ATRNL1: variants seen among roughly 807,000 people sequenced by gnomAD.
ATRNL1 encodes the protein attractin-like protein 1.
In ATRNL1, 95 loss-of-function variants were observed where a neutral mutation model predicts 182.7. That is an observed-to-expected ratio of 0.52 (90% CI 0.44 to 0.62). The LOEUF is 0.62. Among genes scored for constraint, ATRNL1 ranks in the 20% least tolerant of loss-of-function variants. ATRNL1 has a pLI of 0.00. For synonymous variants in ATRNL1, 576 were observed against 568.3 expected (o/e 1.01, Z -0.19); for missense variants, 1,471 against 1,679.5 (o/e 0.88, Z 2.17).
chr10:115,244,204 T>C (rs754994358), intron 10 of ATRNL1, among the ~76,000 whole-genome samples: 7 of 152,122 alleles, frequency 4.6e-5, no homozygotes, highest in African/African-American at 7.2e-5. Context: ...CTGATTGTTT[T>C]GTGTTATATG....
chr10:115,333,035 G>A (rs1855306252), intron 18 of ATRNL1, among the ~76,000 whole-genome samples: 1 of 152,168 alleles, frequency 6.6e-6, no homozygotes, highest in African/African-American at 2.4e-5. Context: ...TGTTTACAGT[G>A]TTTAAAAATT....
chr10:115,690,553 G>A (rs1242567102), intron 26 of ATRNL1, among the ~76,000 whole-genome samples: 9 of 152,152 alleles, frequency 5.9e-5, no homozygotes, highest in African/African-American at 2.2e-4. Context: ...TGGCCCAGAG[G>A]TTGGAGACCC....
chr10:115,767,398 C>G (rs1386422125), intron 27 of ATRNL1, among the ~76,000 whole-genome samples: 1 of 152,136 alleles, frequency 6.6e-6, no homozygotes, highest in Non-Finnish European at 1.5e-5. Flanking sequence ...TTGCAGTCAT[C>G]TCTTGTGCTT....
intron 28 of ATRNL1, among the ~76,000 whole-genome samples, chr10:115,859,101 T>C (rs2907567): frequency 0.8 from 121,645 of 151,740 alleles, 48,729 homozygotes; most frequent in Admixed American, 0.84. Flanking sequence ...AATCTCATCC[T>C]GAAGCTCCAC....
chr10:115,815,144 A>G (rs186220260), intron 27 of ATRNL1, among the ~76,000 whole-genome samples: 7 of 152,288 alleles, frequency 4.6e-5, no homozygotes, highest in African/African-American at 1.4e-4. Context: ...TATGAAATGC[A>G]TAGTTTATTT....
chr10:115,360,642 C>A (rs1274988647), intron 19 of ATRNL1, among the ~76,000 whole-genome samples: 2 of 150,016 alleles, frequency 1.3e-5, no homozygotes, highest in African/African-American at 2.4e-5. Context: ...ATTTTTGAGG[C>A]CTTCTTAGTC....
At chr10:115,101,161 G>A (rs984910331) in intron 1 of ATRNL1, among the ~76,000 whole-genome samples, 1 of 152,084 alleles carries the variant, frequency 6.6e-6, no homozygotes, top group East Asian at 1.9e-4. Context: ...ATTGTTTACA[G>A]ACAAAGATAT....
At chr10:115,778,445 G>A (rs1168854561) in intron 27 of ATRNL1, among the ~76,000 whole-genome samples, 1 of 152,196 alleles carries the variant, frequency 6.6e-6, no homozygotes, top group Non-Finnish European at 1.5e-5. Flanking sequence ...AGGAGGATAA[G>A]TATTTATGCA....
chr10:115,329,655 G>T (rs941203357), intron 18 of ATRNL1, among the ~76,000 whole-genome samples: 1 of 151,978 alleles, frequency 6.6e-6, no homozygotes, highest in Non-Finnish European at 1.5e-5. Flanking sequence ...TCTTTTTATA[G>T]TTTTTGACTT....
intron 27 of ATRNL1, among the ~76,000 whole-genome samples, chr10:115,730,249 T>G (rs1435668728): frequency 2.8e-5 from 2 of 72,352 alleles, no homozygotes; most frequent in African/African-American, 1.3e-4. Context: ...AGAGTAGGAC[T>G]CCTCAAAAAA....
rs782128957 is a variant in ATRNL1 at position 115,170,998 on chromosome 10, CATT to C, written c.1093-35_1093-33del. ...TTAATTAATATGTGTTAAGATATAA[CATT>C]ATTTTATCTATTAATATATGTATTT... On this transcript the variant is annotated intron_variant, in intron 7 of 28. Coordinates refer to ENST00000355044, the MANE Select transcript of ATRNL1 (RefSeq NM_207303.4). 3.8e-5 allele frequency: 45 copies of C among 1,198,162 alleles called. 1 individual carries two copies. The highest frequency in any genetic ancestry group is 4.4e-5 in the Non-Finnish European group (39 of 888,624). 74.2% of individuals were successfully genotyped at this position (1,198,162 alleles called of 1,614,324 possible).
intron 26 of ATRNL1, among the ~76,000 whole-genome samples, chr10:115,634,188 AT>A (rs1349386036): frequency 6.6e-6 from 1 of 152,158 alleles, no homozygotes; most frequent in African/African-American, 2.4e-5. Context: ...ACTTTTTGAT[AT>A]ATACAATCTA....
At chr10:115,471,334 T>C (rs567135562) in intron 24 of ATRNL1, among the ~76,000 whole-genome samples, 2 of 151,118 alleles carry the variant, frequency 1.3e-5, no homozygotes, top group South Asian at 4.1e-4. Flanking sequence ...TCTGAGATAC[T>C]GATTTCACTT....
At chr10:115,412,350 C>G (rs1376104614) in intron 20 of ATRNL1, among the ~76,000 whole-genome samples, 1 of 152,164 alleles carries the variant, frequency 6.6e-6, no homozygotes, top group East Asian at 1.9e-4. Flanking sequence ...CCAGTCCCAG[C>G]TGACACCTGA....
intron 27 of ATRNL1, among the ~76,000 whole-genome samples, chr10:115,813,607 A>G (rs1212918667): frequency 6.6e-6 from 1 of 152,210 alleles, no homozygotes; most frequent in Admixed American, 6.5e-5. Flanking sequence ...TTAGATTATC[A>G]CTAACATTTA....
At chr10:115,786,131 A>G (rs1395936179) in intron 27 of ATRNL1, among the ~76,000 whole-genome samples, 3 of 152,092 alleles carry the variant, frequency 2.0e-5, no homozygotes, top group Non-Finnish European at 4.4e-5. Context: ...TAACATTTAT[A>G]TTTCTACTAA....
intron 27 of ATRNL1, among the ~76,000 whole-genome samples, chr10:115,836,896 C>T (rs1950687014): frequency 6.6e-6 from 1 of 152,064 alleles, no homozygotes; most frequent in Admixed American, 6.6e-5. Flanking sequence ...TAAAAGAAAA[C>T]ACAGTGACCC....
chr10:115,914,493 C>T (rs543064818), intron 28 of ATRNL1, among the ~76,000 whole-genome samples: 91 of 152,262 alleles, frequency 6.0e-4, no homozygotes, highest in South Asian at 3.5e-3. Context: ...ATGCCACATG[C>T]GTACCCAGCT....
rs566337393 is a variant in ATRNL1, at chr10:115,908,014, T to C, written c.4019-36644T>C. Among the ~76,000 whole-genome samples, 29 of 152,328 alleles carry C rather than the reference T, an allele frequency of 1.9e-4. 1 individual carries two copies. Among genetic ancestry groups the C allele is most frequent in the Middle Eastern group, 3.4e-3 (1 of 294 alleles). On this transcript the variant is annotated intron_variant, in intron 28 of 28. Transcript: ENST00000355044. ...TAGCTATTTTTCCTATCCATTACCA[T>C]GCAAATTCCTGAATTATTTCTAATT...
Sources: allele counts gnomAD v4.1 joint callset (sites outside exome capture counted in the v4.1 genomes callset), GRCh38; gene constraint gnomAD v4.1.1; transcripts MANE v1.5; gene names NCBI Gene and HGNC (gene_info 2026-07-23, HGNC 2026-07-21).